Variants in TNFAIP8L3 observed in about 807,000 individuals in gnomAD.
The protein encoded by TNFAIP8L3 is tumor necrosis factor alpha-induced protein 8-like protein 3.
Under a neutral mutation model 11.8 loss-of-function variants are expected in TNFAIP8L3, and 7 were observed. That is an observed-to-expected ratio of 0.59 (90% CI 0.34 to 1.11). The LOEUF (loss-of-function observed/expected upper bound fraction) is 1.11. Ranked by LOEUF, TNFAIP8L3 falls within the 50% of genes most tolerant of loss-of-function variation. TNFAIP8L3 has a pLI of 0.03. For synonymous variants in TNFAIP8L3, 98 were observed against 103.8 expected, an observed-to-expected ratio of 0.94 and a Z score of 0.34; for missense variants, 219 against 258.6, an observed-to-expected ratio of 0.85 and a Z score of 1.05.
intron 1 of TNFAIP8L3, among the ~76,000 whole-genome samples, chr15:51,063,139 G>T (rs181810176): frequency 1.6e-4 from 24 of 152,208 alleles, no homozygotes; most frequent in Admixed American, 1.4e-3. Context: ...AATCCATTTC[G>T]GACTTCTGAT....
chr15:51,075,579 C>G (rs1399082816), intron 1 of TNFAIP8L3, among the ~76,000 whole-genome samples: 1 of 152,166 alleles, frequency 6.6e-6, no homozygotes, highest in Non-Finnish European at 1.5e-5. Flanking sequence ...AGAACTCAGG[C>G]TCAGAACACC....
chr15:51,098,682 T>C (rs956733930), upstream of TNFAIP8L3, among the ~76,000 whole-genome samples: 1 of 152,250 alleles, frequency 6.6e-6, no homozygotes, highest in African/African-American at 2.4e-5. Context: ...AAAAAGAATA[T>C]AAATTAATTC....
chr15:51,096,030 T>C (rs1002607454), upstream of TNFAIP8L3, among the ~76,000 whole-genome samples: 1 of 152,200 alleles, frequency 6.6e-6, no homozygotes, highest in African/African-American at 2.4e-5. Context: ...GGCAAGTTCA[T>C]AGAATTCAAC....
At chr15:51,097,834 C>T (rs559409764), upstream of TNFAIP8L3, among the ~76,000 whole-genome samples, 2 of 149,906 alleles carry the variant, frequency 1.3e-5, no homozygotes, top group African/African-American at 4.9e-5. Context: ...TTTTACAAAC[C>T]AGTTCTGATA....
intron 1 of TNFAIP8L3, among the ~76,000 whole-genome samples, chr15:51,083,205 CTTCAATTAAAT>C (rs776819305): frequency 6.6e-6 from 1 of 152,118 alleles, no homozygotes; most frequent in African/African-American, 2.4e-5. Context: ...CACAAGGAAT[CTTCAATTAAAT>C]TTCAGTCTAA....
At chr15:51,072,114 C>T (rs1309271153) in intron 1 of TNFAIP8L3, among the ~76,000 whole-genome samples, 1 of 152,066 alleles carries the variant, frequency 6.6e-6, no homozygotes, top group Admixed American at 6.5e-5. Context: ...TACATTTTAA[C>T]TTTATTATGG....
intron 1 of TNFAIP8L3, among the ~76,000 whole-genome samples, chr15:51,062,037 G>C (rs192993157): frequency 1.3e-5 from 2 of 152,236 alleles, no homozygotes; most frequent in Admixed American, 1.3e-4. Context: ...ATTTTGGGAG[G>C]CTGAGCTAGG....
intron 1 of TNFAIP8L3, among the ~76,000 whole-genome samples, chr15:51,087,313 C>A (rs1015393841): frequency 6.6e-6 from 1 of 152,220 alleles, no homozygotes; most frequent in Non-Finnish European, 1.5e-5. Flanking sequence ...GCCTGCTGGG[C>A]AGATGGCTCC....
intron 1 of TNFAIP8L3, among the ~76,000 whole-genome samples, chr15:51,074,724 G>T (rs1302825985): frequency 1.3e-5 from 2 of 152,224 alleles, no homozygotes; most frequent in Non-Finnish European, 2.9e-5. Context: ...CTCCCTAAGG[G>T]TGCTGCCCTG....
In TNFAIP8L3 at chr15:51,058,314, T is replaced by C; in HGVS notation, c.182A>G (p.Tyr61Cys). 6.2e-7 allele frequency: 1 copy of C among 1,614,218 alleles called. No individual in the cohort carries two copies. Among genetic ancestry groups the C allele is most frequent in the Admixed American group, 1.7e-5 (1 of 60,024 alleles). ...GTGTGTGTGCTCTTTGGTGACTTTGTAGAGCTCATCAAAGATCTCGCTGCT... is the reference window on the plus strand; with the variant it reads ...GTGTGTGTGCTCTTTGGTGACTTTGCAGAGCTCATCAAAGATCTCGCTGCT... The part of the protein sequence containing the change: ...DTSSEIFDEL[Y>C]KVTKEHTHNK... The change falls in exon 2 of 2, where the codon TAC becomes TGC. Residue 61 changes from tyrosine (Y) to cysteine (C), a missense_variant. Physicochemically the swap from Tyr to Cys is radical, Grantham distance 194. Coordinates refer to ENST00000637513, the MANE Select transcript of TNFAIP8L3 (RefSeq NM_001311175.2).
At chr15:51,097,834 C>A (rs559409764), upstream of TNFAIP8L3, among the ~76,000 whole-genome samples, 2 of 149,790 alleles carry the variant, frequency 1.3e-5, no homozygotes, top group African/African-American at 4.9e-5. Context: ...TTTTACAAAC[C>A]AGTTCTGATA....
chr15:51,068,005 A>G (rs2065282619), intron 1 of TNFAIP8L3, among the ~76,000 whole-genome samples: 1 of 152,252 alleles, frequency 6.6e-6, no homozygotes, highest in Non-Finnish European at 1.5e-5. Flanking sequence ...ATGGATTTCA[A>G]ATACTTTTAC....
intron 1 of TNFAIP8L3, among the ~76,000 whole-genome samples, chr15:51,077,688 G>C (rs1328054725): frequency 6.6e-6 from 1 of 152,160 alleles, no homozygotes; most frequent in African/African-American, 2.4e-5. Flanking sequence ...CAACCCAGAG[G>C]GAGAACACCC....
intron 1 of TNFAIP8L3, among the ~76,000 whole-genome samples, chr15:51,060,782 C>T (rs2065237808): frequency 6.6e-6 from 1 of 152,224 alleles, no homozygotes; most frequent in African/African-American, 2.4e-5. Flanking sequence ...GCCAGCATTT[C>T]CTCTATTCTG....
intron 1 of TNFAIP8L3, among the ~76,000 whole-genome samples, chr15:51,072,796 A>G (rs1406631109): frequency 2.0e-5 from 3 of 152,114 alleles, no homozygotes; most frequent in South Asian, 2.1e-4. Context: ...GGTCTATTTC[A>G]GTACAAAAAC....
intron 1 of TNFAIP8L3, among the ~76,000 whole-genome samples, chr15:51,080,023 A>G (rs1473357737): frequency 6.6e-6 from 1 of 152,176 alleles, no homozygotes; most frequent in Non-Finnish European, 1.5e-5. Flanking sequence ...TTACCTCTCT[A>G]TATTTAAATT....
intron 1 of TNFAIP8L3, among the ~76,000 whole-genome samples, chr15:51,072,014 A>G (rs1159615821): frequency 2.0e-5 from 3 of 152,138 alleles, no homozygotes; most frequent in Non-Finnish European, 2.9e-5. Flanking sequence ...GTTGAATTAT[A>G]TATATTTTTC....
chr15:51,073,096 A>T lies in TNFAIP8L3; in HGVS notation c.53-14653T>A, dbSNP rs142848242. Among the ~76,000 whole-genome samples the T allele has an allele frequency of 4.7e-3, 703 of 149,660 alleles. 7 individuals carry two copies. The highest frequency in any genetic ancestry group is 0.016 in the African/African-American group (658 of 40,610). ...ACTGCAACCTCCACCTCCCGGTTTC[A>T]AGCGATTCTTCTGCCTCAGCCTCCT... is the stretch of plus-strand genomic sequence containing the variant. On this transcript the variant is annotated intron_variant, in intron 1 of 1. Coordinates refer to ENST00000637513, the MANE Select transcript of TNFAIP8L3 (RefSeq NM_001311175.2).
chr15:51,062,202 A>C (rs1390000406), intron 1 of TNFAIP8L3, among the ~76,000 whole-genome samples: 4 of 152,086 alleles, frequency 2.6e-5, no homozygotes, highest in Non-Finnish European at 5.9e-5. Flanking sequence ...TGAGCCCAGG[A>C]GGTTGAGGCT....
Sources: allele counts gnomAD v4.1 joint callset (sites outside exome capture counted in the v4.1 genomes callset), GRCh38; gene constraint gnomAD v4.1.1; transcripts MANE v1.5; gene names NCBI Gene and HGNC (gene_info 2026-07-23, HGNC 2026-07-21).